The following ITGA1 variants were observed in gnomAD, a reference collection of about 807,000 sequenced individuals.
The protein encoded by ITGA1 is integrin subunit alpha 1, also known as integrin alpha-1.
In ITGA1, 85 loss-of-function variants were observed where a neutral mutation model predicts 145.9. That is an observed-to-expected ratio of 0.58 (90% CI 0.49 to 0.70). ITGA1 has a LOEUF of 0.70. ITGA1 is among the 30% of genes least tolerant of loss of function. The pLI is 0.00. For synonymous variants in ITGA1, 520 were observed against 495.3 expected, an observed-to-expected ratio of 1.05 and a Z score of -0.66; for missense variants, 1,351 against 1,418.7, an observed-to-expected ratio of 0.95 and a Z score of 0.77.
At chr5:52,930,808 G>T (rs1469711566) in intron 21 of ITGA1, among the ~76,000 whole-genome samples, 1 of 152,102 alleles carries the variant, frequency 6.6e-6, no homozygotes, top group African/African-American at 2.4e-5. Flanking sequence ...AACAGGGAGT[G>T]TGCATTCTAT....
intron 1 of ITGA1, among the ~76,000 whole-genome samples, chr5:52,848,106 C>T (rs1749366483): frequency 6.6e-6 from 1 of 152,164 alleles, no homozygotes; most frequent in Non-Finnish European, 1.5e-5. Flanking sequence ...GTGATTTAAT[C>T]TGGATAACAA....
intron 1 of ITGA1, among the ~76,000 whole-genome samples, chr5:52,832,282 C>T (rs538913565): frequency 8.5e-5 from 13 of 152,152 alleles, no homozygotes; most frequent in South Asian, 2.1e-4. Context: ...AATTAATCAA[C>T]GGTGGCCAAG....
At chr5:52,835,063 A>G (rs923434265) in intron 1 of ITGA1, among the ~76,000 whole-genome samples, 2 of 152,124 alleles carry the variant, frequency 1.3e-5, no homozygotes, top group African/African-American at 2.4e-5. Flanking sequence ...ATCCCATACA[A>G]TACTTCCACT....
chr5:52,938,521 A>T (rs1203290306), intron 24 of ITGA1, among the ~76,000 whole-genome samples: 5 of 152,194 alleles, frequency 3.3e-5, no homozygotes, highest in Admixed American at 2.0e-4. Context: ...GGCAAGGAAA[A>T]AATAAGCCTT....
chr5:52,865,953 C>A, intron 6 of ITGA1, 136 bp downstream of exon 6: 1 of 644,796 alleles, frequency 1.6e-6, no homozygotes, highest in Non-Finnish European at 2.5e-6. Context: ...ATTTCCTGTT[C>A]TTATTTCTGA....
At chr5:52,807,127 A>G (rs1391438640) in intron 1 of ITGA1, among the ~76,000 whole-genome samples, 1 of 152,248 alleles carries the variant, frequency 6.6e-6, no homozygotes, top group Admixed American at 6.5e-5. Flanking sequence ...TAAGGAATTT[A>G]AAGCTTATTT....
chr5:52,846,412 A>G (rs1358515044), intron 1 of ITGA1, among the ~76,000 whole-genome samples: 1 of 152,196 alleles, frequency 6.6e-6, no homozygotes, highest in East Asian at 1.9e-4. Flanking sequence ...TAAAAAAGAA[A>G]AAAAAAGTAA....
intron 1 of ITGA1, among the ~76,000 whole-genome samples, chr5:52,833,173 C>T (rs2454579): frequency 0.76 from 114,112 of 151,018 alleles, 43,409 homozygotes; most frequent in African/African-American, 0.8. Flanking sequence ...ACCTGAGTGA[C>T]GGACCGAGAC....
At position 52,942,884 on chromosome 5, in the gene ITGA1, G is replaced by A. The variant is rs376701755; in HGVS notation, c.3286-2059G>A. Reference sequence around the variant, plus strand: ...TTGACTCTCACCTTGAACATTATTGGTGTATAGAAATGCTACTAATTTTTG... The same window carrying A: ...TTGACTCTCACCTTGAACATTATTGATGTATAGAAATGCTACTAATTTTTG... On this transcript the variant is annotated intron_variant, in intron 26 of 28. Transcript: ENST00000282588. Among the ~76,000 whole-genome samples, 29 of 151,938 alleles carry A rather than the reference G, an allele frequency of 1.9e-4. 2 individuals carry two copies. The highest frequency in any genetic ancestry group is 1.6e-3 in the Admixed American group (24 of 15,234).
At chr5:52,839,468 T>C (rs1749218351) in intron 1 of ITGA1, among the ~76,000 whole-genome samples, 1 of 152,200 alleles carries the variant, frequency 6.6e-6, no homozygotes, top group Non-Finnish European at 1.5e-5. Context: ...ATTAGGTAAC[T>C]GGTTACTGTC....
chr5:52,880,753 G>A (rs748574536), intron 6 of ITGA1, among the ~76,000 whole-genome samples: 5 of 152,184 alleles, frequency 3.3e-5, no homozygotes, highest in Non-Finnish European at 7.3e-5. Flanking sequence ...TGAATCACCT[G>A]GAATTCCTGA....
chr5:52,832,773 G>GTGTGTGTGTGTGTGTC (rs1749092226), intron 1 of ITGA1, among the ~76,000 whole-genome samples: 2 of 83,418 alleles, frequency 2.4e-5, no homozygotes, highest in Non-Finnish European at 2.5e-5. Context: ...ATCTGTGTGT[G>GTGTGTGTGTGTGTGTC]TGTGTGTGTG....
intron 6 of ITGA1, among the ~76,000 whole-genome samples, chr5:52,873,206 G>A (rs1055919486): frequency 2.6e-5 from 4 of 152,122 alleles, no homozygotes; most frequent in Admixed American, 6.5e-5. Context: ...GTACTTGCTT[G>A]TGGGGGATTC....
intron 6 of ITGA1, 128 bp downstream of exon 6, chr5:52,865,945 T>A: frequency 6.0e-6 from 4 of 670,212 alleles, no homozygotes; most frequent in Non-Finnish European, 9.4e-6. Flanking sequence ...TTATATCCAT[T>A]TCCTGTTCTT....
At chr5:52,801,685 AGT>A (rs1561212363) in intron 1 of ITGA1, 2 of 1,614,208 alleles carry the variant, frequency 1.2e-6, no homozygotes, top group South Asian at 2.2e-5. Context: ...GCTGGTGGAC[AGT>A]GTGAAAGAGA....
At chr5:52,870,926 AC>A (rs1378731555) in intron 6 of ITGA1, among the ~76,000 whole-genome samples, 2 of 152,162 alleles carry the variant, frequency 1.3e-5, no homozygotes, top group Admixed American at 6.5e-5. Context: ...ACTTGTACAT[AC>A]CTATTAGGAC....
intron 9 of ITGA1, among the ~76,000 whole-genome samples, chr5:52,895,154 C>T (rs905021790): frequency 6.6e-6 from 1 of 152,084 alleles, no homozygotes; most frequent in Non-Finnish European, 1.5e-5. Context: ...ATGACTGGGT[C>T]ACAATCCGTA....
At chr5:52,916,267 G>A (rs1048573262) in intron 15 of ITGA1, among the ~76,000 whole-genome samples, 1 of 152,070 alleles carries the variant, frequency 6.6e-6, no homozygotes, top group African/African-American at 2.4e-5. Context: ...AACTTAATGA[G>A]AAATCCACAT....
intron 1 of ITGA1, among the ~76,000 whole-genome samples, chr5:52,822,864 G>A (rs143842208): frequency 7.9e-5 from 12 of 152,284 alleles, no homozygotes; most frequent in Non-Finnish European, 1.6e-4. Flanking sequence ...TCTGCTCTAG[G>A]TTTGGTCACT....
Sources: gnomAD v4.1 joint callset for allele counts (sites outside exome capture counted in the v4.1 genomes callset) on GRCh38, gnomAD v4.1.1 for gene constraint, MANE v1.5 for transcripts, NCBI Gene and HGNC (gene_info 2026-07-23, HGNC 2026-07-21) for gene names.